The following SNTG2 variants were observed in gnomAD, a reference collection of about 807,000 sequenced individuals.
SNTG2 encodes the protein gamma-2-syntrophin.
In SNTG2, 74 loss-of-function variants were observed where a neutral mutation model predicts 70.9. The observed-to-expected ratio is 1.04, with a 90% CI of 0.86 to 1.27. The LOEUF is 1.27. SNTG2 is among the 50% of genes most tolerant of loss of function. The probability of loss-of-function intolerance (pLI) is 0.00; values close to 1 mark genes in which losing one functional copy is unlikely to be tolerated. For missense variants in SNTG2, 717 were observed against 690.7 expected (o/e 1.04, Z -0.43); for synonymous variants, 278 against 273.8 (o/e 1.02, Z -0.15).
At chr2:1,076,450 CA>C (rs1663919604) in intron 1 of SNTG2, among the ~76,000 whole-genome samples, 1 of 152,206 alleles carries the variant, frequency 6.6e-6, no homozygotes, top group African/African-American at 2.4e-5. Context: ...TCTGGATAAA[CA>C]AGGGGCAATG....
At chr2:1,329,924 C>T (rs1226388220) in intron 16 of SNTG2, among the ~76,000 whole-genome samples, 3 of 152,170 alleles carry the variant, frequency 2.0e-5, no homozygotes, top group East Asian at 3.9e-4. Context: ...AGAGCATTTC[C>T]AGGCTTCCAA....
chr2:1,292,556 G>A (rs1472622587), intron 14 of SNTG2, among the ~76,000 whole-genome samples: 1 of 152,120 alleles, frequency 6.6e-6, no homozygotes, highest in Non-Finnish European at 1.5e-5. Context: ...TATCATAAAA[G>A]GGTGTTGAAT....
intron 14 of SNTG2, among the ~76,000 whole-genome samples, chr2:1,292,335 T>C (rs1210695781): frequency 6.6e-6 from 1 of 152,196 alleles, no homozygotes; most frequent in African/African-American, 2.4e-5. Context: ...TTTGGTTGAC[T>C]TGTTTGTTTT....
intron 8 of SNTG2, 113 bp downstream of exon 8, chr2:1,173,296 T>A (rs7560649): frequency 0.32 from 325,461 of 1,005,406 alleles, 57,061 homozygotes; most frequent in East Asian, 0.65. Flanking sequence ...GATAATTGTG[T>A]TAGTTTCAGA....
At chr2:1,064,623 A>G (rs1663035957) in intron 1 of SNTG2, among the ~76,000 whole-genome samples, 2 of 152,160 alleles carry the variant, frequency 1.3e-5, no homozygotes, top group African/African-American at 4.8e-5. Flanking sequence ...AGTTGGTGAT[A>G]GGAAAAGCTT....
At chr2:1,120,161 A>C (rs1233078359) in intron 4 of SNTG2, among the ~76,000 whole-genome samples, 1 of 152,154 alleles carries the variant, frequency 6.6e-6, no homozygotes, top group Non-Finnish European at 1.5e-5. Flanking sequence ...ATTACCTTGG[A>C]TATTCCAAAC....
chr2:1,168,055 GCCGCCCACAGACGGCAGAA>G (rs1480211573), intron 7 of SNTG2, among the ~76,000 whole-genome samples: 13 of 132,366 alleles, frequency 9.8e-5, no homozygotes, highest in African/African-American at 2.7e-4. Flanking sequence ...AAACCTACAG[GCCGCCCACAGACGGCAGAA>G]CTGAAACCTA....
At chr2:1,027,100 GT>G (rs1252446733) in intron 1 of SNTG2, among the ~76,000 whole-genome samples, 2 of 152,118 alleles carry the variant, frequency 1.3e-5, no homozygotes, top group Non-Finnish European at 2.9e-5. Context: ...TCTTTTCCAT[GT>G]GCTTCTTGCA....
intron 14 of SNTG2, among the ~76,000 whole-genome samples, chr2:1,274,402 C>G (rs1186991603): frequency 6.6e-6 from 1 of 152,200 alleles, no homozygotes; most frequent in Non-Finnish European, 1.5e-5. Context: ...AATTCATCAA[C>G]AGAAAGAATG....
intron 6 of SNTG2, among the ~76,000 whole-genome samples, chr2:1,162,066 C>A (rs189241002): frequency 2.0e-4 from 14 of 69,426 alleles, no homozygotes; most frequent in African/African-American, 7.8e-4. Context: ...AGTGAGACTC[C>A]GTCTCAAAAA....
At chr2:1,200,897 A>G (rs1673234431) in intron 8 of SNTG2, among the ~76,000 whole-genome samples, 1 of 152,002 alleles carries the variant, frequency 6.6e-6, no homozygotes, top group Non-Finnish European at 1.5e-5. Flanking sequence ...TAGAAAAATT[A>G]CAGACTCTGG....
chr2:1,166,108 A>G (rs1008134420), intron 7 of SNTG2, among the ~76,000 whole-genome samples: 10 of 152,252 alleles, frequency 6.6e-5, no homozygotes, highest in African/African-American at 2.4e-4. Flanking sequence ...GAAAGTGATG[A>G]ACCCTAAATC....
At chr2:1,207,743 GC>G (rs1279790474) in intron 8 of SNTG2, among the ~76,000 whole-genome samples, 1 of 152,134 alleles carries the variant, frequency 6.6e-6, no homozygotes, top group Non-Finnish European at 1.5e-5. Context: ...CTGGGGAACC[GC>G]CCCCCGTCTC....
At chr2:1,145,557 T>C (rs936614891) in intron 6 of SNTG2, among the ~76,000 whole-genome samples, 1 of 152,190 alleles carries the variant, frequency 6.6e-6, no homozygotes, top group Non-Finnish European at 1.5e-5. Context: ...ATTAAATCAA[T>C]AGTTAATAAC....
At chr2:1,053,303 C>T (rs759719192) in intron 1 of SNTG2, among the ~76,000 whole-genome samples, 10 of 143,200 alleles carry the variant, frequency 7.0e-5, no homozygotes, top group Middle Eastern at 7.0e-3. Context: ...TCTAGAAATG[C>T]ATTAAAAGTT....
intron 1 of SNTG2, among the ~76,000 whole-genome samples, chr2:1,074,901 G>A (rs1388312134): frequency 2.0e-5 from 3 of 152,164 alleles, no homozygotes; most frequent in Non-Finnish European, 2.9e-5. Context: ...GATTCACATG[G>A]CACTGTGAAG....
At chr2:1,113,376 G>A (rs1666656368) in intron 4 of SNTG2, among the ~76,000 whole-genome samples, 1 of 151,808 alleles carries the variant, frequency 6.6e-6, no homozygotes, top group South Asian at 2.1e-4. Flanking sequence ...ACAGTGTTTT[G>A]AAAAGGATCG....
intron 1 of SNTG2, among the ~76,000 whole-genome samples, chr2:978,726 C>A (rs917578702): frequency 6.6e-6 from 1 of 151,340 alleles, no homozygotes; most frequent in Non-Finnish European, 1.5e-5. Flanking sequence ...GTGCAATAAG[C>A]GGATGTCTTA....
intron 1 of SNTG2, among the ~76,000 whole-genome samples, chr2:973,690 G>A (rs1398144154): frequency 2.0e-5 from 3 of 151,958 alleles, no homozygotes; most frequent in Admixed American, 6.5e-5. Context: ...CCACAGCTCT[G>A]ATATGTTCTT....
Sources: allele counts gnomAD v4.1 joint callset (sites outside exome capture counted in the v4.1 genomes callset), GRCh38; gene constraint gnomAD v4.1.1; transcripts MANE v1.5; gene names NCBI Gene and HGNC (gene_info 2026-07-23, HGNC 2026-07-21).